The following PTPRO variants were observed in gnomAD, a reference collection of about 807,000 sequenced individuals.
PTPRO encodes the protein protein tyrosine phosphatase receptor type O.
A neutral mutation model predicts 145.2 loss-of-function variants in PTPRO; 62 were observed. The ratio of observed to expected loss-of-function variants is 0.43; its 90% CI spans 0.35 to 0.53. The LOEUF is 0.53. Among genes scored for constraint, PTPRO ranks in the 20% least tolerant of loss-of-function variants. The pLI is 0.01. For synonymous variants in PTPRO, 565 were observed against 514.7 expected (o/e 1.10, Z -1.32); for missense variants, 1,345 against 1,482.7 (o/e 0.91, Z 1.53).
intron 1 of PTPRO, among the ~76,000 whole-genome samples, chr12:15,426,784 A>T (rs774267904): frequency 1.3e-5 from 2 of 151,880 alleles, no homozygotes; most frequent in Non-Finnish European, 2.9e-5. Context: ...CAGAGAAAAT[A>T]CCAGACACTC....
intron 23 of PTPRO, among the ~76,000 whole-genome samples, chr12:15,583,177 T>A (rs1944357162): frequency 1.3e-5 from 2 of 152,322 alleles, no homozygotes; most frequent in Middle Eastern, 3.4e-3. Context: ...GGTTTTTACA[T>A]TTTTTAATGG....
At chr12:15,572,770 G>A (rs1944086546) in intron 19 of PTPRO, among the ~76,000 whole-genome samples, 1 of 152,012 alleles carries the variant, frequency 6.6e-6, no homozygotes, top group African/African-American at 2.4e-5. Context: ...TAAAATGGGT[G>A]AGTTGAACTA....
At chr12:15,395,339 G>A (rs1270480076) in intron 1 of PTPRO, among the ~76,000 whole-genome samples, 1 of 152,116 alleles carries the variant, frequency 6.6e-6, no homozygotes, top group African/African-American at 2.4e-5. Context: ...GGCTTGAAGA[G>A]GAGGAAGAAA....
In PTPRO at chr12:15,465,223, G is replaced by A. The variant is rs12229960; in HGVS notation, c.76-18751G>A. Reference sequence around the variant, plus strand: ...ATTTATAAAACATAAATATCATATTGTTGTTCCAGCCTTCTTGTAATTCAA... The same window carrying A: ...ATTTATAAAACATAAATATCATATTATTGTTCCAGCCTTCTTGTAATTCAA... On this transcript the variant is annotated intron_variant, in intron 1 of 26. Coordinates refer to ENST00000281171, the MANE Select transcript of PTPRO (RefSeq NM_030667.3). Among the ~76,000 whole-genome samples the A allele has an allele frequency of 2.1e-3, 324 of 152,240 alleles. 15 individuals carry two copies. In the East Asian group the frequency reaches 0.054, roughly 25 times the overall value.
chr12:15,485,157 A>G (rs1941859645), intron 2 of PTPRO, among the ~76,000 whole-genome samples: 1 of 152,160 alleles, frequency 6.6e-6, no homozygotes, highest in Admixed American at 6.6e-5. Flanking sequence ...CAGAAACTAC[A>G]AGAAGCAAAA....
chr12:15,515,987 G>GTTTTT lies in PTPRO; in HGVS notation c.1585+373_1585+374insTTTTT, dbSNP rs1387922121. ...GTTTTGTTTGTCTGGTTTTTTTTTT[G>GTTTTT]TTTTGTTTTTTTTTTTTTTTGGAGA... On this transcript the variant is annotated intron_variant, in intron 8 of 26. Coordinates refer to ENST00000281171, the MANE Select transcript of PTPRO (RefSeq NM_030667.3). 2.9e-4 allele frequency among the ~76,000 whole-genome samples: 23 copies of GTTTTT among 80,662 alleles called. 2 individuals are homozygous for GTTTTT. Among genetic ancestry groups the GTTTTT allele is most frequent in the East Asian group, 7.7e-4 (2 of 2,614 alleles). 52.9% of individuals were successfully genotyped at this position (80,662 alleles called of 152,430 possible).
intron 1 of PTPRO, among the ~76,000 whole-genome samples, chr12:15,377,073 T>C (rs368056718): frequency 2.0e-5 from 3 of 151,780 alleles, no homozygotes; most frequent in East Asian, 3.9e-4. Flanking sequence ...GGGGAGAGAG[T>C]AGAGCTATAC....
At chr12:15,581,247 G>T (rs1944307683) in intron 22 of PTPRO, among the ~76,000 whole-genome samples, 1 of 151,702 alleles carries the variant, frequency 6.6e-6, no homozygotes, top group Non-Finnish European at 1.5e-5. Flanking sequence ...AGCAACCGGG[G>T]CTTACAGAGA....
chr12:15,503,112 A>T (rs1462450843), intron 5 of PTPRO, among the ~76,000 whole-genome samples: 2 of 152,058 alleles, frequency 1.3e-5, no homozygotes, highest in African/African-American at 2.4e-5. Context: ...TATTTTTTTT[A>T]AAGTTTCCTT....
intron 1 of PTPRO, among the ~76,000 whole-genome samples, chr12:15,467,990 G>T (rs1257083998): frequency 1.3e-5 from 2 of 152,122 alleles, no homozygotes; most frequent in Non-Finnish European, 2.9e-5. Flanking sequence ...GTTTCCATTG[G>T]CAGATTGCCC....
intron 1 of PTPRO, among the ~76,000 whole-genome samples, chr12:15,342,217 A>C (rs1411132062): frequency 6.6e-6 from 1 of 152,204 alleles, no homozygotes; most frequent in African/African-American, 2.4e-5. Context: ...GGAATGACTT[A>C]ATATATAAAA....
At chr12:15,463,339 C>A (rs933841888) in intron 1 of PTPRO, among the ~76,000 whole-genome samples, 1 of 152,120 alleles carries the variant, frequency 6.6e-6, no homozygotes, top group African/African-American at 2.4e-5. Context: ...AATGAACAGC[C>A]ACTGCATGGA....
At chr12:15,563,163 A>G (rs1943817032) in intron 17 of PTPRO, among the ~76,000 whole-genome samples, 1 of 152,148 alleles carries the variant, frequency 6.6e-6, no homozygotes, top group Admixed American at 6.6e-5. Flanking sequence ...ACCTTACCTA[A>G]TATAAGTGAA....
At chr12:15,359,398 T>TTGG (rs1938101715) in intron 1 of PTPRO, among the ~76,000 whole-genome samples, 1 of 151,512 alleles carries the variant, frequency 6.6e-6, no homozygotes, top group Admixed American at 6.6e-5. Context: ...CTCTTGTGCA[T>TTGG]TGGTCTACTT....
intron 1 of PTPRO, among the ~76,000 whole-genome samples, chr12:15,436,674 G>C (rs1940603645): frequency 6.6e-6 from 1 of 152,208 alleles, no homozygotes; most frequent in Non-Finnish European, 1.5e-5. Context: ...GATGAGAGTA[G>C]GATGCCATTT....
intron 1 of PTPRO, among the ~76,000 whole-genome samples, chr12:15,429,505 A>G (rs1216275435): frequency 6.6e-6 from 1 of 152,194 alleles, no homozygotes; most frequent in African/African-American, 2.4e-5. Flanking sequence ...GGAATATCAA[A>G]GAAGGCAGCA....
intron 12 of PTPRO, among the ~76,000 whole-genome samples, chr12:15,530,057 G>A (rs569320511): frequency 6.6e-6 from 1 of 152,078 alleles, no homozygotes; most frequent in African/African-American, 2.4e-5. Context: ...AAACAAACAA[G>A]CAAAAAAGCA....
chr12:15,443,412 G>A (rs1212309847), intron 1 of PTPRO, among the ~76,000 whole-genome samples: 1 of 152,016 alleles, frequency 6.6e-6, no homozygotes, highest in Non-Finnish European at 1.5e-5. Flanking sequence ...GAAAACCTAG[G>A]AAACACCAAT....
rs554496007 is a variant in PTPRO at position 15,512,675 on chromosome 12, C to T, written c.1465-2823C>T. On this transcript the variant is annotated intron_variant, in intron 7 of 26. Coordinates refer to ENST00000281171, the MANE Select transcript of PTPRO (RefSeq NM_030667.3). ...CTTAGTTGTGGATAATATGCATCTT[C>T]TTATCATAGTTTGTCTCTTTAGAAA... Among the ~76,000 whole-genome samples the T allele has an allele frequency of 2.0e-5, 3 of 152,172 alleles. No homozygotes were observed. The South Asian group carries it at 6.2e-4, about 32-fold the overall frequency.
Sources: allele counts gnomAD v4.1 joint callset (sites outside exome capture counted in the v4.1 genomes callset), GRCh38; gene constraint gnomAD v4.1.1; transcripts MANE v1.5; gene names NCBI Gene and HGNC (gene_info 2026-07-23, HGNC 2026-07-21).